Variants in MTRES1 observed in about 807,000 individuals in gnomAD.
MTRES1 encodes uncharacterized protein C6orf203.
In MTRES1, 11 loss-of-function variants were observed where a neutral mutation model predicts 17.4. The observed-to-expected ratio is 0.63, with a 90% CI of 0.40 to 1.05. The LOEUF (loss-of-function observed/expected upper bound fraction) is 1.05, where lower values mean the gene tolerates loss of function less well. Ranked by LOEUF, MTRES1 falls within the 50% of genes least tolerant of loss-of-function variation. MTRES1 has a pLI of 0.00. For missense variants in MTRES1, 268 were observed against 276.2 expected (o/e 0.97, Z 0.21); for synonymous variants, 94 against 99.6 (o/e 0.94, Z 0.34).
chr6:107,045,199 T>C (rs1774350290), intron 3 of MTRES1, among the ~76,000 whole-genome samples: 1 of 146,404 alleles, frequency 6.8e-6, no homozygotes, highest in Non-Finnish European at 1.5e-5. Context: ...AAAAAAATTC[T>C]GGCTGGGCGC....
chr6:107,051,483 G>C lies in MTRES1; in HGVS notation c.*247G>C. ...GAACCCCTTTGCCAGAGTGAGACGT[G>C]TGCAGAATGAACTAAGCCCCAGAGG... On this transcript the variant is annotated 3_prime_UTR_variant, in exon 4 of 4. Coordinates refer to ENST00000311381, the MANE Select transcript of MTRES1 (RefSeq NM_016487.5). 2.4e-6 allele frequency: 1 copy of C among 415,900 alleles called. No homozygotes were observed. The highest frequency in any genetic ancestry group is 4.4e-5 in the East Asian group (1 of 22,486). 25.8% of individuals were successfully genotyped at this position (415,900 alleles called of 1,614,324 possible). A position where few individuals can be genotyped will look rare whatever the true frequency, so the allele number is the denominator to read the frequency against.
chr6:107,050,150 G>C (rs1157320346), intron 3 of MTRES1, among the ~76,000 whole-genome samples: 1 of 152,204 alleles, frequency 6.6e-6, no homozygotes, highest in Non-Finnish European at 1.5e-5. Flanking sequence ...TGACATAACT[G>C]CCCCAGGGCA....
At chr6:107,033,674 C>T (rs147918666) in intron 1 of MTRES1, among the ~76,000 whole-genome samples, 10 of 152,136 alleles carry the variant, frequency 6.6e-5, no homozygotes, top group African/African-American at 2.4e-4. Flanking sequence ...AAAAATTAGC[C>T]GGGCGTGGTG....
At chr6:107,041,211 C>A (rs1326847340) in intron 2 of MTRES1, among the ~76,000 whole-genome samples, 1 of 116,072 alleles carries the variant, frequency 8.6e-6, no homozygotes, top group East Asian at 2.7e-4. Context: ...GGCGACAGAG[C>A]AAGACTCCGT....
In MTRES1 at chr6:107,046,870, T is replaced by G. The variant is rs145835223; in HGVS notation, c.543+2538T>G. 2.6e-3 allele frequency among the ~76,000 whole-genome samples: 395 copies of G among 152,008 alleles called. 1 individual carries two copies. The highest frequency in any genetic ancestry group is 9.1e-3 in the African/African-American group (377 of 41,420). Reference sequence around the variant, plus strand: ...TAAACTCATCTCTTCCTGGGATCAGTTGGGTAAAGGAGGAGCACCCCTTCT... The same window carrying G: ...TAAACTCATCTCTTCCTGGGATCAGGTGGGTAAAGGAGGAGCACCCCTTCT... On this transcript the variant is annotated intron_variant, in intron 3 of 3. Transcript: ENST00000311381.
chr6:107,044,236 T>C, intron 2 of MTRES1, 24 bp from the exon 3 acceptor site: 3 of 1,600,976 alleles, frequency 1.9e-6, no homozygotes, highest in Non-Finnish European at 2.6e-6. Flanking sequence ...ATTGTGTACA[T>C]TGTTGCTTTT....
At position 107,050,990 on chromosome 6, in the gene MTRES1, A is replaced by G. The variant is rs531174804; in HGVS notation, c.544-67A>G. 795 of 1,299,626 alleles carry G rather than the reference A, an allele frequency of 6.1e-4. 1 individual carries two copies. Among genetic ancestry groups the G allele is most frequent in the Non-Finnish European group, 7.5e-4 (679 of 910,890 alleles). 80.5% of individuals were successfully genotyped at this position (1,299,626 alleles called of 1,614,324 possible). A position where few individuals can be genotyped will look rare whatever the true frequency, so the allele number is the denominator to read the frequency against. ...TGATCATGTGGTGAAAACTCAGAGC[A>G]GTAATGTTTGCATTGGCCTGGATTT... On this transcript the variant is annotated intron_variant, in intron 3 of 3. Transcript: ENST00000311381.
At chr6:107,039,713 A>G in intron 1 of MTRES1, 36 bp from the exon 2 acceptor site, 1 of 1,558,012 alleles carries the variant, frequency 6.4e-7, no homozygotes, top group Non-Finnish European at 8.6e-7. Flanking sequence ...ATGACACTGC[A>G]CTTGTGAGAT....
Position 107,044,348 on chromosome 6 carries a change from A to G in MTRES1, c.543+16A>G, listed in dbSNP as rs1554228168. The G allele has an allele frequency of 1.2e-6, 2 of 1,600,180 alleles. No individual in the cohort carries two copies. The highest frequency in any genetic ancestry group is 2.2e-5 in the East Asian group (1 of 44,772). On this transcript the variant is annotated intron_variant, in intron 3 of 3. Transcript: ENST00000311381. ...AAGCAGAACGGTGAGATACTAACCT[A>G]AAATGACAGCCAGATGTTTTCGTCT... is the stretch of plus-strand genomic sequence containing the variant.
Sources: gnomAD v4.1 joint callset for allele counts (sites outside exome capture counted in the v4.1 genomes callset) on GRCh38, gnomAD v4.1.1 for gene constraint, MANE v1.5 for transcripts, NCBI Gene and HGNC (gene_info 2026-07-23, HGNC 2026-07-21) for gene names.